Variants in ABCG8 observed in about 807,000 individuals in gnomAD.
ABCG8 encodes the protein ATP binding cassette subfamily G member 8.
In ABCG8, 81 loss-of-function variants were observed where a neutral mutation model predicts 71.3. The ratio of observed to expected loss-of-function variants is 1.14; its 90% CI spans 0.95 to 1.37. The LOEUF (loss-of-function observed/expected upper bound fraction) is 1.37. Ranked by LOEUF, ABCG8 falls within the 40% of genes most tolerant of loss-of-function variation. The probability of loss-of-function intolerance (pLI) is 0.00; values close to 1 mark genes in which losing one functional copy is unlikely to be tolerated. For missense variants in ABCG8, 1,119 were observed against 866.2 expected (o/e 1.29, Z -3.66); for synonymous variants, 451 against 354.7 (o/e 1.27, Z -3.05).
intron 1 of ABCG8, among the ~76,000 whole-genome samples, chr2:43,839,410 T>C (rs1668486120): frequency 1.7e-4 from 3 of 17,246 alleles, no homozygotes; most frequent in Admixed American, 5.1e-4. Flanking sequence ...TCTCTTTTTT[T>C]TTTTTTTTTT....
intron 6 of ABCG8, among the ~76,000 whole-genome samples, chr2:43,860,850 A>C (rs1267240139): frequency 6.8e-6 from 1 of 147,398 alleles, no homozygotes; most frequent in African/African-American, 2.5e-5. Context: ...CTCTGGATAG[A>C]ACTCTAACAA....
Position 43,874,559 on chromosome 2 carries a change from A to C in ABCG8, c.1488+76A>C, listed in dbSNP as rs1572866855. 6.3e-6 allele frequency: 8 copies of C among 1,273,044 alleles called. No individual in the cohort carries two copies. The East Asian group carries it at 1.9e-4, about 29-fold the overall frequency. 78.9% of individuals were successfully genotyped at this position (1,273,044 alleles called of 1,614,324 possible). On this transcript the variant is annotated intron_variant, in intron 10 of 12. Transcript: ENST00000272286. ...TAAGTGTGGAGAAAACGTTGCTACA[A>C]GGAAGGCTTTTCTGAACCATGGGGC... is the stretch of plus-strand genomic sequence containing the variant.
intron 4 of ABCG8, 150 bp from the exon 5 acceptor site, chr2:43,852,204 A>T: frequency 1.8e-6 from 2 of 1,091,180 alleles, no homozygotes; most frequent in South Asian, 1.3e-5. Flanking sequence ...AGGGGAACCA[A>T]TGTTGCAGCT....
chr2:43,841,573 CT>C (rs1296801752), intron 1 of ABCG8, among the ~76,000 whole-genome samples: 5 of 152,206 alleles, frequency 3.3e-5, no homozygotes, highest in Admixed American at 3.3e-4. Context: ...GAAAGATGAG[CT>C]GCCTGTGCAA....
rs972419253 is a variant in ABCG8 at position 43,878,061 on chromosome 2, G to A, written c.*148G>A. 16 of 1,139,324 alleles carry A rather than the reference G, an allele frequency of 1.4e-5. No individual in the cohort carries two copies. The highest frequency in any genetic ancestry group is 1.8e-5 in the Non-Finnish European group (14 of 781,744). 70.6% of individuals were successfully genotyped at this position (1,139,324 alleles called of 1,614,324 possible). A position where few individuals can be genotyped will look rare whatever the true frequency, so the allele number is the denominator to read the frequency against. On this transcript the variant is annotated 3_prime_UTR_variant, in exon 13 of 13. Coordinates refer to ENST00000272286, the MANE Select transcript of ABCG8 (RefSeq NM_022437.3). Reference sequence around the variant, plus strand: ...CGGCCCAGGGTGCTGCAGTGGCACAGACCAGCCACAGGATGGCAGTAGAAT... The same window carrying A: ...CGGCCCAGGGTGCTGCAGTGGCACAAACCAGCCACAGGATGGCAGTAGAAT...
intron 10 of ABCG8, 61 bp downstream of exon 10, chr2:43,874,544 G>A: frequency 7.1e-7 from 1 of 1,398,846 alleles, no homozygotes; most frequent in Non-Finnish European, 1.0e-6. Context: ...TAAGTGTGGA[G>A]AAAACGTTGC....
At chr2:43,866,112 T>C (rs944532108) in intron 6 of ABCG8, among the ~76,000 whole-genome samples, 10 of 152,082 alleles carry the variant, frequency 6.6e-5, no homozygotes, top group African/African-American at 2.2e-4. Flanking sequence ...CCCTATTTAA[T>C]AAATGGTGCT....
rs886056032 is a variant in ABCG8, at chr2:43,839,001, C to G, written c.-53C>G. The G allele has an allele frequency of 2.6e-6, 4 of 1,529,534 alleles. No individual in the cohort carries two copies. Among genetic ancestry groups the G allele is most frequent in the Non-Finnish European group, 3.5e-6 (4 of 1,128,754 alleles). The allele number at this position is 1,529,534 out of a possible 1,614,324, so 94.7% of individuals were successfully genotyped here. On this transcript the variant is annotated 5_prime_UTR_variant, in exon 1 of 13. Coordinates refer to ENST00000272286, the MANE Select transcript of ABCG8 (RefSeq NM_022437.3). ...GAGTGAAGACACTGGCCCTGGCAGG[C>G]AGCAGCTGGGTCTAAGAGAGCTGCA... is the stretch of plus-strand genomic sequence containing the variant.
intron 1 of ABCG8, among the ~76,000 whole-genome samples, chr2:43,839,855 C>CA (rs1668511230): frequency 1.3e-5 from 2 of 152,178 alleles, no homozygotes; most frequent in Admixed American, 6.5e-5. Context: ...GACAGGGTGA[C>CA]AGACGGCTTT....
Position 43,882,143 on chromosome 2 carries a change from T to A in ABCG8, c.*4230T>A, listed in dbSNP as rs1007502638. On this transcript the variant is annotated 3_prime_UTR_variant, in exon 13 of 13. Transcript: ENST00000272286. ...ATAATCACCAATATTGGCTCAAATA[T>A]TTCCTGATTTAAAAAAAAATCTGCT... 2 of 152,194 alleles carry A rather than the reference T, an allele frequency of 1.3e-5. No individual in the cohort carries two copies. Among genetic ancestry groups the A allele is most frequent in the African/African-American group, 4.8e-5 (2 of 41,432 alleles). The allele number at this position is 152,194 out of a possible 1,614,324, so 9.4% of individuals were successfully genotyped here.
chr2:43,844,668 C>G, intron 2 of ABCG8, 60 bp downstream of exon 2: 1 of 1,398,700 alleles, frequency 7.1e-7, no homozygotes, highest in Non-Finnish European at 1.0e-6. Context: ...GGAAATTCCC[C>G]GGGTGGAAAT....
chr2:43,854,988 G>C (rs1669052279), intron 6 of ABCG8, among the ~76,000 whole-genome samples: 1 of 152,194 alleles, frequency 6.6e-6, no homozygotes, highest in Admixed American at 6.5e-5. Flanking sequence ...CCGACCAAGG[G>C]GTCAGTGAGA....
intron 6 of ABCG8, among the ~76,000 whole-genome samples, chr2:43,869,578 A>T (rs1345589877): frequency 1.3e-5 from 2 of 151,304 alleles, no homozygotes; most frequent in Non-Finnish European, 2.9e-5. Context: ...TAGAACTCTC[A>T]GTATCTGGAT....
Position 43,877,596 on chromosome 2 carries a change from T to G in ABCG8, c.1792T>G (p.Trp598Gly). Residue 598 changes from tryptophan (W) to glycine (G), a missense_variant, in exon 12 of 13, where the codon TGG becomes GGG. Transcript: ENST00000272286. ...AWISKVSFLRWCFEGLMKIQF... is the reference protein window; with the variant it reads ...AWISKVSFLRGCFEGLMKIQF... ...GATTTCCAAAGTGTCCTTCCTGCGG[T>G]GGTGTTTTGAAGGGCTGATGAAGAT... is the stretch of plus-strand genomic sequence containing the variant. The G allele has an allele frequency of 6.2e-7, 1 of 1,613,952 alleles. No homozygotes were observed. Among genetic ancestry groups the G allele is most frequent in the Non-Finnish European group, 8.5e-7 (1 of 1,179,982 alleles).
At chr2:43,858,548 CTCTA>C (rs1669192425) in intron 6 of ABCG8, among the ~76,000 whole-genome samples, 1 of 151,610 alleles carries the variant, frequency 6.6e-6, no homozygotes, top group Admixed American at 6.6e-5. Flanking sequence ...CTGGATAGAA[CTCTA>C]TCTGTCTGGA....
chr2:43,852,329 C>A (rs765292723), intron 4 of ABCG8, 25 bp from the exon 5 acceptor site: 9 of 1,611,850 alleles, frequency 5.6e-6, no homozygotes, highest in Middle Eastern at 4.5e-4. Flanking sequence ...CCTGAGGTGG[C>A]CTCAAAGCTC....
intron 3 of ABCG8, among the ~76,000 whole-genome samples, chr2:43,849,987 G>T (rs1335619584): frequency 6.6e-6 from 1 of 152,090 alleles, no homozygotes; most frequent in Admixed American, 6.5e-5. Context: ...ATCACCTGAG[G>T]TCAGGGGTTC....
At chr2:43,844,387 A>G (rs1339631596) in intron 1 of ABCG8, 120 bp from the exon 2 acceptor site, 5 of 786,904 alleles carry the variant, frequency 6.4e-6, no homozygotes, top group Non-Finnish European at 8.7e-6. Context: ...TCTGTTGCCA[A>G]TTTGAGATTT....
chr2:43,870,585 C>G (rs1669729813), intron 6 of ABCG8, among the ~76,000 whole-genome samples: 1 of 151,952 alleles, frequency 6.6e-6, no homozygotes, highest in South Asian at 2.1e-4. Context: ...TAATAGAACT[C>G]TCACTATCTG....
Sources: allele counts gnomAD v4.1 joint callset (sites outside exome capture counted in the v4.1 genomes callset), GRCh38; gene constraint gnomAD v4.1.1; transcripts MANE v1.5; gene names NCBI Gene and HGNC (gene_info 2026-07-23, HGNC 2026-07-21).